The following OTOGL variants were observed in gnomAD, a reference collection of about 807,000 sequenced individuals.
OTOGL encodes otogelin-like protein.
Under a neutral mutation model 318.5 loss-of-function variants are expected in OTOGL, and 285 were observed. The ratio of observed to expected loss-of-function variants is 0.89; its 90% CI spans 0.81 to 0.99. The LOEUF (loss-of-function observed/expected upper bound fraction) is 0.99, where lower values mean the gene tolerates loss of function less well. OTOGL is among the 50% of genes least tolerant of loss of function. The pLI is 0.00. For missense variants in OTOGL, 2,899 were observed against 2,845.6 expected, an observed-to-expected ratio of 1.02 and a Z score of -0.43; for synonymous variants, 987 against 936.5, an observed-to-expected ratio of 1.05 and a Z score of -0.99.
In OTOGL at chr12:80,255,197, T is replaced by C; in HGVS notation, c.1587+12T>C. 2 of 1,441,048 alleles carry C rather than the reference T, an allele frequency of 1.4e-6. No individual in the cohort carries two copies. The highest frequency in any genetic ancestry group is 1.8e-6 in the Non-Finnish European group (2 of 1,097,980). The allele number at this position is 1,441,048 out of a possible 1,614,324, so 89.3% of individuals were successfully genotyped here. On this transcript the variant is annotated intron_variant, in intron 16 of 58. Transcript: ENST00000547103. ...CTCCCTGTGAGCAGGTAAGAACATT[T>C]CAAAATGACCAGAGGAATATGGATT... is the stretch of plus-strand genomic sequence containing the variant.
chr12:80,313,374 T>A, intron 30 of OTOGL, 102 bp from the exon 31 acceptor site: 1 of 1,155,062 alleles, frequency 8.7e-7, no homozygotes, highest in Non-Finnish European at 1.2e-6. Context: ...AGTGTTAAGC[T>A]GATAATATCA....
chr12:80,158,459 G>A (rs997538951), intron 1 of OTOGL, among the ~76,000 whole-genome samples: 7 of 152,120 alleles, frequency 4.6e-5, no homozygotes, highest in Middle Eastern at 3.4e-3. Context: ...AAAAGGAAAG[G>A]TTATCTCTGA....
intron 1 of OTOGL, among the ~76,000 whole-genome samples, chr12:80,129,151 C>T (rs145824003): frequency 8.5e-5 from 13 of 152,240 alleles, no homozygotes; most frequent in African/African-American, 1.2e-4. Context: ...AGCTGTAGAC[C>T]GGAGCTGTTC....
chr12:80,240,592 A>G (rs1193176968), intron 11 of OTOGL, among the ~76,000 whole-genome samples: 2 of 151,946 alleles, frequency 1.3e-5, no homozygotes, highest in Non-Finnish European at 2.9e-5. Context: ...ATGAAAATAT[A>G]AAAATATGAA....
intron 34 of OTOGL, among the ~76,000 whole-genome samples, 158 bp from the exon 35 acceptor site, chr12:80,323,565 C>T (rs1887483956): frequency 1.3e-5 from 2 of 152,192 alleles, no homozygotes; most frequent in Admixed American, 1.3e-4. Context: ...ACGACAGTCA[C>T]TTGAACCCAG....
chr12:80,129,356 C>T (rs779050477), intron 1 of OTOGL, among the ~76,000 whole-genome samples: 14 of 152,188 alleles, frequency 9.2e-5, no homozygotes, highest in South Asian at 2.1e-4. Flanking sequence ...ATACTTTGGC[C>T]TTTTTGTGTT....
chr12:80,242,082 C>A (rs1019096689), intron 11 of OTOGL, among the ~76,000 whole-genome samples: 1 of 152,134 alleles, frequency 6.6e-6, no homozygotes, highest in East Asian at 1.9e-4. Context: ...CTTTGGCTGG[C>A]AGCCATCTAC....
At chr12:80,166,818 CAG>C (rs1343745815) in intron 1 of OTOGL, among the ~76,000 whole-genome samples, 2 of 152,136 alleles carry the variant, frequency 1.3e-5, no homozygotes, top group East Asian at 3.9e-4. Context: ...TCTCACAGTT[CAG>C]AGGAGTACAT....
chr12:80,343,063 G>A (rs1308178473), intron 44 of OTOGL, among the ~76,000 whole-genome samples: 1 of 151,960 alleles, frequency 6.6e-6, no homozygotes, highest in Admixed American at 6.6e-5. Flanking sequence ...TTTAGTACAG[G>A]CGGGATTTCA....
At position 80,180,769 on chromosome 12, in the gene OTOGL, G is replaced by C. The variant is rs370527826; in HGVS notation, c.-19-28644G>C. Reference sequence around the variant, plus strand: ...GAGTGGCCCTGACAGTGTCAAGGAGGGGGTAGTTTACCAAATAATTTTCAG... The same window carrying C: ...GAGTGGCCCTGACAGTGTCAAGGAGCGGGTAGTTTACCAAATAATTTTCAG... On this transcript the variant is annotated intron_variant, in intron 1 of 58. Coordinates refer to ENST00000547103, the MANE Select transcript of OTOGL (RefSeq NM_001378609.3). Among the ~76,000 whole-genome samples the C allele has an allele frequency of 4.6e-5, 7 of 152,238 alleles. No homozygotes were observed. The South Asian group carries it at 6.2e-4, about 14-fold the overall frequency.
chr12:80,370,797 A>C, intron 56 of OTOGL, 108 bp downstream of exon 56: 1 of 796,152 alleles, frequency 1.3e-6, no homozygotes. Flanking sequence ...ATAATGGCGA[A>C]TGTGTTATTT....
chr12:80,188,033 G>T (rs1187723276), intron 1 of OTOGL, among the ~76,000 whole-genome samples: 1 of 152,190 alleles, frequency 6.6e-6, no homozygotes, highest in East Asian at 1.9e-4. Flanking sequence ...GTTGACACAG[G>T]ATGCAGCTTG....
Position 80,209,412 on chromosome 12 carries a change from G to C in OTOGL, c.-19-1G>C, listed in dbSNP as rs1877064735. The C allele has an allele frequency of 6.9e-7, 1 of 1,444,492 alleles. No individual in the cohort carries two copies. The highest frequency in any genetic ancestry group is 9.2e-7 in the Non-Finnish European group (1 of 1,090,080). The allele number at this position is 1,444,492 out of a possible 1,614,324, so 89.5% of individuals were successfully genotyped here. A position where few individuals can be genotyped will look rare whatever the true frequency, so the allele number is the denominator to read the frequency against. On this transcript the variant is annotated splice_acceptor_variant, in intron 1 of 58. Coordinates refer to ENST00000547103, the MANE Select transcript of OTOGL (RefSeq NM_001378609.3). LOFTEE classifies it low-confidence loss of function (5UTR_SPLICE). ...AGACCATCAATTTGGTTACATTTCA[G>C]GGGGAAAGGCTACACTGAAATGAAC...
At chr12:80,131,874 C>T (rs190513735) in intron 1 of OTOGL, 1 of 152,288 alleles carries the variant, frequency 6.6e-6, no homozygotes, top group Non-Finnish European at 1.5e-5. Flanking sequence ...AGAGTGGGAA[C>T]TCAAAACTAT....
chr12:80,203,505 G>T (rs908210390), intron 1 of OTOGL, among the ~76,000 whole-genome samples: 12 of 152,274 alleles, frequency 7.9e-5, no homozygotes, highest in African/African-American at 2.9e-4. Context: ...GTGGAGGGCA[G>T]CACCATTATT....
intron 1 of OTOGL, among the ~76,000 whole-genome samples, chr12:80,135,277 C>CCCCTCCACTCCCCTT: frequency 1.4e-5 from 1 of 69,868 alleles, no homozygotes; most frequent in Non-Finnish European, 3.1e-5. Flanking sequence ...CCCCTCCCCT[C>CCCCTCCACTCCCCTT]CCCTTCCCTT....
chr12:80,314,438 A>G, intron 32 of OTOGL, 107 bp downstream of exon 32: 1 of 335,908 alleles, frequency 3.0e-6, no homozygotes, highest in Non-Finnish European at 5.4e-6. Context: ...TAAATAGTTC[A>G]TAACTATATA....
At chr12:80,188,049 T>G (rs1178504992) in intron 1 of OTOGL, among the ~76,000 whole-genome samples, 1 of 152,204 alleles carries the variant, frequency 6.6e-6, no homozygotes, top group Non-Finnish European at 1.5e-5. Flanking sequence ...GCTTGAAATA[T>G]TCACTTGGGG....
chr12:80,208,188 G>A, intron 1 of OTOGL: 1 of 516,832 alleles, frequency 1.9e-6, no homozygotes, highest in Non-Finnish European at 3.9e-6. Flanking sequence ...CATGGAATTA[G>A]CTATTATTTC....
Sources: gnomAD v4.1 joint callset for allele counts (sites outside exome capture counted in the v4.1 genomes callset) on GRCh38, gnomAD v4.1.1 for gene constraint, MANE v1.5 for transcripts, NCBI Gene and HGNC (gene_info 2026-07-23, HGNC 2026-07-21) for gene names.